HS3ST4: variants seen among roughly 807,000 people sequenced by gnomAD.
The protein encoded by HS3ST4 is heparan sulfate glucosamine 3-O-sulfotransferase 4.
In HS3ST4, 17 loss-of-function variants were observed where a neutral mutation model predicts 29.2. The observed-to-expected ratio is 0.58, with a 90% CI of 0.40 to 0.87. The LOEUF (loss-of-function observed/expected upper bound fraction) is 0.87, where lower values mean the gene tolerates loss of function less well. Ranked by LOEUF, HS3ST4 falls within the 40% of genes least tolerant of loss-of-function variation. The probability of loss-of-function intolerance (pLI) is 0.00; values close to 1 mark genes in which losing one functional copy is unlikely to be tolerated. For synonymous variants in HS3ST4, 314 were observed against 285.7 expected (o/e 1.10, Z -1.00); for missense variants, 627 against 634.5 (o/e 0.99, Z 0.13).
chr16:26,031,991 T>G (rs1271829321), intron 1 of HS3ST4, among the ~76,000 whole-genome samples: 1 of 152,056 alleles, frequency 6.6e-6, no homozygotes, highest in African/African-American at 2.4e-5. Context: ...TTTCAGGAAG[T>G]GAAATGAAAA....
chr16:25,983,634 A>C (rs1969031557), intron 1 of HS3ST4, among the ~76,000 whole-genome samples: 1 of 152,204 alleles, frequency 6.6e-6, no homozygotes, highest in Admixed American at 6.5e-5. Context: ...GCCAGATTCA[A>C]CTGTGTCTTA....
intron 1 of HS3ST4, among the ~76,000 whole-genome samples, chr16:26,111,204 G>A (rs1209135508): frequency 1.3e-5 from 2 of 151,746 alleles, no homozygotes; most frequent in Non-Finnish European, 2.9e-5. Context: ...TCAGCCTCCC[G>A]AGTAGCTGAG....
chr16:25,995,008 T>C (rs960995253), intron 1 of HS3ST4, among the ~76,000 whole-genome samples: 1 of 152,212 alleles, frequency 6.6e-6, no homozygotes, highest in Non-Finnish European at 1.5e-5. Flanking sequence ...ATTTAAAACT[T>C]ATTTCCATCA....
chr16:26,054,556 C>A (rs970493497), intron 1 of HS3ST4, among the ~76,000 whole-genome samples: 3 of 152,112 alleles, frequency 2.0e-5, no homozygotes, highest in Non-Finnish European at 4.4e-5. Context: ...TTTTTGAGAA[C>A]AATTGGTCCG....
chr16:26,042,326 A>G (rs1476736405), intron 1 of HS3ST4, among the ~76,000 whole-genome samples: 2 of 152,004 alleles, frequency 1.3e-5, no homozygotes, highest in East Asian at 1.9e-4. Context: ...AACCACCTAC[A>G]TAATAAAACT....
At chr16:25,780,014 A>C (rs987035149) in intron 1 of HS3ST4, among the ~76,000 whole-genome samples, 1 of 152,196 alleles carries the variant, frequency 6.6e-6, no homozygotes, top group Non-Finnish European at 1.5e-5. Flanking sequence ...GTGAGTGATG[A>C]GAGTGTCCTA....
intron 1 of HS3ST4, among the ~76,000 whole-genome samples, chr16:25,942,401 CT>C (rs1174067938): frequency 1.3e-5 from 2 of 152,080 alleles, no homozygotes; most frequent in African/African-American, 4.8e-5. Context: ...ATATTTCCTC[CT>C]CTTTGACAGC....
intron 1 of HS3ST4, among the ~76,000 whole-genome samples, chr16:25,827,130 A>C (rs1289885712): frequency 6.6e-6 from 1 of 152,190 alleles, no homozygotes; most frequent in Non-Finnish European, 1.5e-5. Context: ...GGGACGAGAC[A>C]CTAGGACCAA....
intron 1 of HS3ST4, among the ~76,000 whole-genome samples, chr16:26,129,010 A>T (rs1033844890): frequency 6.6e-6 from 1 of 152,180 alleles, no homozygotes; most frequent in Admixed American, 6.5e-5. Context: ...CACACCTCTA[A>T]TTCAGGCAAG....
chr16:25,838,812 G>T (rs115688913), intron 1 of HS3ST4, among the ~76,000 whole-genome samples: 1 of 152,146 alleles, frequency 6.6e-6, no homozygotes, highest in Non-Finnish European at 1.5e-5. Flanking sequence ...AGAAAAGAGC[G>T]AAGCCCTTTT....
At chr16:25,807,798 T>C (rs1967003291) in intron 1 of HS3ST4, among the ~76,000 whole-genome samples, 1 of 152,208 alleles carries the variant, frequency 6.6e-6, no homozygotes, top group Admixed American at 6.5e-5. Flanking sequence ...CTCTGCAGTC[T>C]TGCCAGTATT....
At chr16:25,811,272 C>T (rs541656706) in intron 1 of HS3ST4, among the ~76,000 whole-genome samples, 41 of 152,104 alleles carry the variant, frequency 2.7e-4, no homozygotes, top group Non-Finnish European at 3.1e-4. Context: ...AGAGCAAGAC[C>T]AACCCCTCCT....
At chr16:25,712,530 A>T (rs912440568) in intron 1 of HS3ST4, among the ~76,000 whole-genome samples, 71 of 152,308 alleles carry the variant, frequency 4.7e-4, no homozygotes, top group African/African-American at 1.7e-3. Context: ...CTATAAAAAA[A>T]TAAAAAGAAT....
intron 1 of HS3ST4, among the ~76,000 whole-genome samples, chr16:26,093,419 T>A (rs1898882285): frequency 6.6e-6 from 1 of 152,194 alleles, no homozygotes; most frequent in Non-Finnish European, 1.5e-5. Flanking sequence ...ATATTTGCTG[T>A]TCTGCAATAT....
chr16:25,751,171 G>A (rs1183898765), intron 1 of HS3ST4, among the ~76,000 whole-genome samples: 1 of 152,192 alleles, frequency 6.6e-6, no homozygotes, highest in Non-Finnish European at 1.5e-5. Flanking sequence ...CGCAGGTTCT[G>A]ACCATGGCCC....
intron 1 of HS3ST4, among the ~76,000 whole-genome samples, chr16:25,828,717 C>T (rs111720572): frequency 1.2e-4 from 18 of 152,252 alleles, no homozygotes; most frequent in Non-Finnish European, 2.2e-4. Context: ...CATGTGCAAA[C>T]ATACTTGAGG....
intron 1 of HS3ST4, among the ~76,000 whole-genome samples, chr16:25,764,820 T>C (rs4309399): frequency 2.0e-5 from 3 of 152,372 alleles, no homozygotes. Context: ...AACATAGATC[T>C]TGGTGAAATC....
chr16:26,038,936 G>C (rs557450411), intron 1 of HS3ST4, among the ~76,000 whole-genome samples: 9 of 152,128 alleles, frequency 5.9e-5, no homozygotes, highest in African/African-American at 2.2e-4. Context: ...ACCCACCTCA[G>C]CCTCCCAAAG....
chr16:26,010,409 A>G (rs1969299462), intron 1 of HS3ST4, among the ~76,000 whole-genome samples: 1 of 152,030 alleles, frequency 6.6e-6, no homozygotes, highest in Non-Finnish European at 1.5e-5. Flanking sequence ...AGCCGAGATC[A>G]CGCCGCTGCA....
Sources: allele counts gnomAD v4.1 joint callset (sites outside exome capture counted in the v4.1 genomes callset), GRCh38; gene constraint gnomAD v4.1.1; transcripts MANE v1.5; gene names NCBI Gene and HGNC (gene_info 2026-07-23, HGNC 2026-07-21).